ANKH: variants seen among roughly 807,000 people sequenced by gnomAD.
ANKH encodes the protein mineralization regulator ANKH.
A neutral mutation model predicts 49.0 loss-of-function variants in ANKH; 15 were observed. The observed-to-expected ratio is 0.31, with a 90% confidence interval of 0.20 to 0.47. The LOEUF (loss-of-function observed/expected upper bound fraction) is 0.47. Ranked by LOEUF, ANKH falls within the 20% of genes least tolerant of loss-of-function variation. The pLI is 1.00. For missense variants in ANKH, 429 were observed against 652.0 expected (o/e 0.66, Z 3.72); for synonymous variants, 273 against 260.0 (o/e 1.05, Z -0.48).
intron 1 of ANKH, among the ~76,000 whole-genome samples, chr5:14,836,343 T>C (rs544424340): frequency 1.3e-5 from 2 of 152,346 alleles, no homozygotes; most frequent in African/African-American, 4.8e-5. Flanking sequence ...TGTTTGCAGA[T>C]GACATGATTG....
chr5:14,739,676 T>G (rs1738294058), intron 8 of ANKH, among the ~76,000 whole-genome samples: 1 of 152,228 alleles, frequency 6.6e-6, no homozygotes, highest in Admixed American at 6.5e-5. Context: ...ACAGTGTGGT[T>G]CAGAGCACAG....
At chr5:14,712,649 A>G (rs182881922) in intron 11 of ANKH, among the ~76,000 whole-genome samples, 14 of 152,314 alleles carry the variant, frequency 9.2e-5, no homozygotes, top group African/African-American at 3.4e-4. Flanking sequence ...CTTTGGCGCA[A>G]AACTCTTCAA....
intron 1 of ANKH, among the ~76,000 whole-genome samples, chr5:14,865,333 G>A (rs1735615125): frequency 6.6e-6 from 1 of 152,012 alleles, no homozygotes; most frequent in Admixed American, 6.6e-5. Flanking sequence ...TGTTAAATGA[G>A]TTTTAGGAGT....
At chr5:14,794,278 A>T (rs1011954009) in intron 1 of ANKH, among the ~76,000 whole-genome samples, 1 of 152,240 alleles carries the variant, frequency 6.6e-6, no homozygotes, top group Non-Finnish European at 1.5e-5. Flanking sequence ...TCATGCTGGA[A>T]CTATACCCTG....
At chr5:14,849,666 TA>T (rs1157852266) in intron 1 of ANKH, among the ~76,000 whole-genome samples, 3 of 152,250 alleles carry the variant, frequency 2.0e-5, no homozygotes, top group South Asian at 2.1e-4. Flanking sequence ...TTACTAGCTA[TA>T]AAATCACAAA....
At chr5:14,731,223 A>G (rs1202026320) in intron 8 of ANKH, among the ~76,000 whole-genome samples, 5 of 152,072 alleles carry the variant, frequency 3.3e-5, no homozygotes, top group Non-Finnish European at 7.4e-5. Context: ...CAAATCGGCC[A>G]TGGCTAGGAG....
At chr5:14,843,641 T>C (rs1741877298) in intron 1 of ANKH, among the ~76,000 whole-genome samples, 1 of 148,772 alleles carries the variant, frequency 6.7e-6, no homozygotes, top group African/African-American at 2.5e-5. Flanking sequence ...CAGACCCTGG[T>C]CAGAATATAG....
intron 9 of ANKH, 49 bp downstream of exon 9, chr5:14,716,657 T>C (rs746523638): frequency 6.2e-7 from 1 of 1,610,942 alleles, no homozygotes; most frequent in Non-Finnish European, 8.5e-7. Context: ...AAGATTTAAT[T>C]AGGCATGAGG....
At chr5:14,829,013 G>A (rs943279104) in intron 1 of ANKH, among the ~76,000 whole-genome samples, 16 of 151,932 alleles carry the variant, frequency 1.1e-4, no homozygotes, top group African/African-American at 3.9e-4. Flanking sequence ...GGTGAAACTC[G>A]TCTCTATTAA....
intron 1 of ANKH, among the ~76,000 whole-genome samples, chr5:14,866,861 T>C (rs563113753): frequency 6.6e-6 from 1 of 152,210 alleles, no homozygotes; most frequent in East Asian, 1.9e-4. Flanking sequence ...TCATCCTACA[T>C]CTGTTGAGTT....
intron 1 of ANKH, among the ~76,000 whole-genome samples, chr5:14,812,237 CTTA>C (rs1378243052): frequency 6.6e-6 from 1 of 151,166 alleles, no homozygotes; most frequent in Non-Finnish European, 1.5e-5. Context: ...AAACCCCAAA[CTTA>C]TTATTTTTTT....
At chr5:14,718,027 A>G (rs919288303) in intron 8 of ANKH, among the ~76,000 whole-genome samples, 1 of 152,196 alleles carries the variant, frequency 6.6e-6, no homozygotes, top group Non-Finnish European at 1.5e-5. Flanking sequence ...AGAACATGGG[A>G]AACTGGTTGA....
At chr5:14,843,290 G>A (rs914480102) in intron 1 of ANKH, among the ~76,000 whole-genome samples, 10 of 150,978 alleles carry the variant, frequency 6.6e-5, no homozygotes, top group Admixed American at 4.0e-4. Flanking sequence ...GGTCTCCTGT[G>A]TCAGCCTCCT....
chr5:14,756,197 C>T (rs181545013), intron 3 of ANKH, among the ~76,000 whole-genome samples: 73 of 152,224 alleles, frequency 4.8e-4, no homozygotes, highest in Admixed American at 1.2e-3. Context: ...TAGACTAGTG[C>T]GCTATTAGGT....
intron 1 of ANKH, 72 bp downstream of exon 1, chr5:14,871,280 C>G: frequency 7.3e-7 from 1 of 1,374,996 alleles, no homozygotes; most frequent in African/African-American, 1.4e-5. Flanking sequence ...GGTGACTCCC[C>G]TCCGCCCCCG....
chr5:14,767,746 T>C (rs1435179864), intron 2 of ANKH, among the ~76,000 whole-genome samples: 1 of 152,194 alleles, frequency 6.6e-6, no homozygotes, highest in Non-Finnish European at 1.5e-5. Flanking sequence ...CATTTGCTTA[T>C]TTAAGGAAGC....
At chr5:14,795,154 C>T (rs1179894078) in intron 1 of ANKH, among the ~76,000 whole-genome samples, 1 of 152,152 alleles carries the variant, frequency 6.6e-6, no homozygotes, top group Non-Finnish European at 1.5e-5. Flanking sequence ...GAAACATTTT[C>T]CATTTTCTTG....
intron 8 of ANKH, among the ~76,000 whole-genome samples, chr5:14,721,368 A>AC (rs1479297123): frequency 6.6e-6 from 1 of 152,162 alleles, no homozygotes; most frequent in Non-Finnish European, 1.5e-5. Flanking sequence ...ACACACACCT[A>AC]CAGCCCAGAC....
intron 1 of ANKH, among the ~76,000 whole-genome samples, chr5:14,789,360 A>C (rs945428713): frequency 2.0e-5 from 3 of 152,136 alleles, no homozygotes; most frequent in Non-Finnish European, 4.4e-5. Context: ...TATGAGTTAA[A>C]TGCATTTTTT....
Sources: allele counts gnomAD v4.1 joint callset (sites outside exome capture counted in the v4.1 genomes callset), GRCh38; gene constraint gnomAD v4.1.1; transcripts MANE v1.5; gene names NCBI Gene and HGNC (gene_info 2026-07-23, HGNC 2026-07-21).